VPS13A: variants seen among roughly 807,000 people sequenced by gnomAD.
VPS13A encodes vacuolar protein sorting 13 homolog A, also known as intermembrane lipid transfer protein VPS13A.
A neutral mutation model predicts 390.9 loss-of-function variants in VPS13A; 264 were observed. That is an observed-to-expected ratio of 0.68 (90% CI 0.61 to 0.75). The LOEUF (loss-of-function observed/expected upper bound fraction) is 0.75, where lower values mean the gene tolerates loss of function less well. VPS13A is among the 30% of genes least tolerant of loss of function. The pLI is 0.00. For missense variants in VPS13A, 3,409 were observed against 3,733.9 expected, an observed-to-expected ratio of 0.91 and a Z score of 2.27; for synonymous variants, 1,231 against 1,227.1, an observed-to-expected ratio of 1.00 and a Z score of -0.07.
intron 34 of VPS13A, among the ~76,000 whole-genome samples, chr9:77,304,006 A>C (rs113824208): frequency 6.8e-6 from 1 of 146,864 alleles, no homozygotes; most frequent in African/African-American, 2.7e-5. Flanking sequence ...ACCCTTTACG[A>C]GTGTCGGACT....
chr9:77,347,009 T>C (rs1831194164), intron 52 of VPS13A, among the ~76,000 whole-genome samples: 1 of 152,244 alleles, frequency 6.6e-6, no homozygotes, highest in Non-Finnish European at 1.5e-5. Context: ...TTTGGCTTTA[T>C]TTCTGGTTTC....
intron 19 of VPS13A, among the ~76,000 whole-genome samples, chr9:77,243,390 A>G (rs963452521): frequency 1.3e-5 from 2 of 152,118 alleles, no homozygotes; most frequent in Non-Finnish European, 2.9e-5. Context: ...AAAGTTTTAG[A>G]TCCTGGAGCG....
At chr9:77,309,546 A>G (rs1361246276) in intron 35 of VPS13A, among the ~76,000 whole-genome samples, 2 of 152,210 alleles carry the variant, frequency 1.3e-5, no homozygotes, top group African/African-American at 4.8e-5. Context: ...TATCATAAAG[A>G]TGAATTTATA....
At chr9:77,413,403 A>G (rs144468458) in intron 71 of VPS13A, among the ~76,000 whole-genome samples, 4,276 of 152,248 alleles carry the variant, frequency 0.028, 183 homozygotes, top group African/African-American at 0.096. Flanking sequence ...ATATAGACCA[A>G]TGGAACAGAA....
At position 77,199,649 on chromosome 9, in the gene VPS13A, C is replaced by T. The variant is rs12551580; in HGVS notation, c.101-296C>T. On this transcript the variant is annotated intron_variant, in intron 1 of 71. Coordinates refer to ENST00000360280, the MANE Select transcript of VPS13A (RefSeq NM_033305.3). ...TACTTTTTGCATGTTGATCTTGTATCATGCTACTTTGTTAGACTCATTTGT... is the reference window on the plus strand; with the variant it reads ...TACTTTTTGCATGTTGATCTTGTATTATGCTACTTTGTTAGACTCATTTGT... Among the ~76,000 whole-genome samples the T allele has an allele frequency of 0.2, 30,093 of 151,952 alleles. 3,378 individuals carry two copies. Among genetic ancestry groups the T allele is most frequent in the East Asian group, 0.39 (2,022 of 5,160 alleles).
chr9:77,309,613 C>T (rs1828952443), intron 35 of VPS13A, among the ~76,000 whole-genome samples: 1 of 152,034 alleles, frequency 6.6e-6, no homozygotes, highest in Non-Finnish European at 1.5e-5. Context: ...TAACAATATA[C>T]TGTCATAAAA....
intron 67 of VPS13A, among the ~76,000 whole-genome samples, chr9:77,374,696 G>A (rs1355609142): frequency 6.6e-6 from 1 of 152,090 alleles, no homozygotes; most frequent in African/African-American, 2.4e-5. Context: ...CCTTTATGCA[G>A]GTAATTTTAA....
rs1011744585 is a variant in VPS13A at position 77,302,984 on chromosome 9, G to C, written c.3882G>C (p.Val1294=). The C allele has an allele frequency of 6.2e-7, 1 of 1,613,852 alleles. No homozygotes were observed. The highest frequency in any genetic ancestry group is 8.5e-7 in the Non-Finnish European group (1 of 1,179,974). Residue 1294 remains valine (V), a synonymous_variant, in exon 34 of 72, where the codon GTG becomes GTC. Transcript: ENST00000360280. The part of the protein sequence containing the change: ...DLLLPLNLEV[V]VERNLCWEWY... The stretch of plus-strand genomic sequence containing the variant: ...TCCTGCCATTAAATCTTGAGGTTGT[G>C]GTTGAACGAAATTTATGCTGGGAGT...
chr9:77,279,572 G>A (rs1294078647), intron 26 of VPS13A, among the ~76,000 whole-genome samples: 1 of 151,958 alleles, frequency 6.6e-6, no homozygotes, highest in East Asian at 1.9e-4. Flanking sequence ...TCTCGTTTAG[G>A]GCCTCCAGTT....
At chr9:77,404,166 C>T (rs1005275941) in intron 69 of VPS13A, among the ~76,000 whole-genome samples, 2 of 152,114 alleles carry the variant, frequency 1.3e-5, no homozygotes, top group Non-Finnish European at 2.9e-5. Context: ...TTCATTCCAC[C>T]CCAGATACTG....
intron 1 of VPS13A, among the ~76,000 whole-genome samples, chr9:77,193,661 C>G (rs1035695321): frequency 1.3e-5 from 2 of 152,010 alleles, no homozygotes; most frequent in Admixed American, 6.6e-5. Context: ...AAAATAAGAA[C>G]CATTGCTGGG....
rs75950717 is a variant in VPS13A at position 77,271,261 on chromosome 9, A to C, written c.2428-2019A>C. ...ATCAAAGCCACATAGAAATACTACT[A>C]CACAATGGTTAGAATGGCTAAAAAT... On this transcript the variant is annotated intron_variant, in intron 23 of 71. Transcript: ENST00000360280. Among the ~76,000 whole-genome samples, 1,202 of 152,284 alleles carry C rather than the reference A, an allele frequency of 7.9e-3. 18 individuals are homozygous for C. The highest frequency in any genetic ancestry group is 0.027 in the African/African-American group (1,129 of 41,566).
Position 77,303,067 on chromosome 9 carries a change from C to T in VPS13A, c.3960+5C>T. 1 of 1,613,668 alleles carries T rather than the reference C, an allele frequency of 6.2e-7. No individual in the cohort carries two copies. The highest frequency in any genetic ancestry group is 1.1e-5 in the South Asian group (1 of 91,058). On this transcript the variant is annotated splice_donor_5th_base_variant and intron_variant, in intron 34 of 71. Coordinates refer to ENST00000360280, the MANE Select transcript of VPS13A (RefSeq NM_033305.3). ...GCTCAGCTGAAACCAATGGAGGTAA[C>T]TTTTTTTGGATACTTATCAATTTTT... is the stretch of plus-strand genomic sequence containing the variant.
At chr9:77,279,917 G>A (rs180710823) in intron 26 of VPS13A, 35 of 322,724 alleles carry the variant, frequency 1.1e-4, no homozygotes, top group African/African-American at 7.3e-4. Context: ...TCCTATCTAG[G>A]TTTAGAAGGG....
At chr9:77,365,317 A>T in intron 59 of VPS13A, 143 bp from the exon 60 acceptor site, 1 of 638,170 alleles carries the variant, frequency 1.6e-6, no homozygotes, top group Admixed American at 2.5e-5. Context: ...ATAGATAGAG[A>T]TGTTACTTTC....
intron 22 of VPS13A, among the ~76,000 whole-genome samples, chr9:77,252,872 GTTTT>G (rs1825222484): frequency 6.6e-6 from 1 of 152,102 alleles, no homozygotes; most frequent in South Asian, 2.1e-4. Context: ...TATATACTAT[GTTTT>G]TATTTATTCA....
intron 67 of VPS13A, among the ~76,000 whole-genome samples, chr9:77,373,018 C>A (rs1832868995): frequency 6.6e-6 from 1 of 152,260 alleles, no homozygotes; most frequent in South Asian, 2.1e-4. Flanking sequence ...ATTCCATGCT[C>A]ATGGGTAGGA....
chr9:77,288,990 C>T (rs1365744406), intron 31 of VPS13A, among the ~76,000 whole-genome samples: 1 of 152,110 alleles, frequency 6.6e-6, no homozygotes, highest in Non-Finnish European at 1.5e-5. Flanking sequence ...TGTGCTTGTT[C>T]TGAAGTCTAC....
chr9:77,392,073 C>T (rs900540297), intron 68 of VPS13A, among the ~76,000 whole-genome samples: 4 of 152,070 alleles, frequency 2.6e-5, no homozygotes, highest in African/African-American at 9.7e-5. Flanking sequence ...CCTGTAATGT[C>T]GGATCTTCAC....
Sources: allele counts gnomAD v4.1 joint callset (sites outside exome capture counted in the v4.1 genomes callset), GRCh38; gene constraint gnomAD v4.1.1; transcripts MANE v1.5; gene names NCBI Gene and HGNC (gene_info 2026-07-23, HGNC 2026-07-21).